The following PTPRR variants were observed in gnomAD, a reference collection of about 807,000 sequenced individuals.
PTPRR encodes the protein receptor-type tyrosine-protein phosphatase R.
A neutral mutation model predicts 77.2 loss-of-function variants in PTPRR; 38 were observed. The ratio of observed to expected loss-of-function variants is 0.49; its 90% CI spans 0.38 to 0.65. The LOEUF (loss-of-function observed/expected upper bound fraction) is 0.65, where lower values mean the gene tolerates loss of function less well. Ranked by LOEUF, PTPRR falls within the 30% of genes least tolerant of loss-of-function variation. The pLI, the probability that PTPRR is intolerant of heterozygous loss-of-function variation, is 0.00. For missense variants in PTPRR, 744 were observed against 799.2 expected (o/e 0.93, Z 0.83); for synonymous variants, 299 against 283.1 (o/e 1.06, Z -0.57).
chr12:70,669,907 G>T (rs566898467), intron 10 of PTPRR, among the ~76,000 whole-genome samples: 1 of 152,076 alleles, frequency 6.6e-6, no homozygotes, highest in East Asian at 1.9e-4. Flanking sequence ...CTCCCCCTTG[G>T]GCACCTACTC....
At chr12:70,804,139 C>CTGTGTGTGTG (rs58442488) in intron 2 of PTPRR, among the ~76,000 whole-genome samples, 14,492 of 137,150 alleles carry the variant, frequency 0.11, 917 homozygotes, top group East Asian at 0.15. Flanking sequence ...GTTCCTGGCT[C>CTGTGTGTGTG]TGTGTGTGTG....
intron 2 of PTPRR, among the ~76,000 whole-genome samples, chr12:70,867,856 A>G (rs1472113619): frequency 1.3e-5 from 2 of 152,196 alleles, no homozygotes; most frequent in Non-Finnish European, 2.9e-5. Flanking sequence ...TCAATGGAAC[A>G]GAACAGAGCC....
chr12:70,789,210 T>G (rs538769053), intron 2 of PTPRR, among the ~76,000 whole-genome samples: 4 of 152,022 alleles, frequency 2.6e-5, no homozygotes, highest in Admixed American at 2.6e-4. Flanking sequence ...TGTATACATA[T>G]GTAACAAACC....
At chr12:70,783,855 G>A (rs79358866) in intron 2 of PTPRR, among the ~76,000 whole-genome samples, 5 of 110,592 alleles carry the variant, frequency 4.5e-5, no homozygotes, top group South Asian at 3.4e-4. Flanking sequence ...AAGGCTGTGT[G>A]GGGGGGACGG....
rs1215371188 is a variant in PTPRR at position 70,661,010 on chromosome 12, G to A, written c.1696C>T (p.Gln566Ter). ...TCTTCTTCTACATCCAGCATGAGCT[G>A]TAGGAGGGGCTGGGCACTGTCTGGA... Reference protein sequence around the residue: ...KTPDSAQPLLQLMLDVEEDRL... With the variant: ...KTPDSAQPLL The change falls in exon 12 of 14, where the codon CAG (glutamine) becomes TAG (stop). Residue 566 changes from glutamine to a stop codon, truncating the protein, a stop_gained. Transcript: ENST00000283228. LOFTEE classifies it high-confidence loss of function. 1.9e-6 allele frequency: 3 copies of A among 1,613,622 alleles called. No homozygotes were observed. Among genetic ancestry groups the A allele is most frequent in the Non-Finnish European group, 2.5e-6 (3 of 1,179,878 alleles).
chr12:70,688,967 A>C (rs995714627), intron 8 of PTPRR, among the ~76,000 whole-genome samples: 3 of 152,134 alleles, frequency 2.0e-5, no homozygotes, highest in African/African-American at 7.2e-5. Flanking sequence ...TATGTGTGGA[A>C]TCTAAAAAAG....
At chr12:70,895,135 T>C (rs1893404671) in intron 1 of PTPRR, among the ~76,000 whole-genome samples, 1 of 151,724 alleles carries the variant, frequency 6.6e-6, no homozygotes, top group Non-Finnish European at 1.5e-5. Flanking sequence ...GACGTATATG[T>C]TGGTCACACA....
At chr12:70,753,728 T>C (rs1235764336) in intron 5 of PTPRR, among the ~76,000 whole-genome samples, 2 of 152,212 alleles carry the variant, frequency 1.3e-5, no homozygotes, top group Non-Finnish European at 2.9e-5. Flanking sequence ...CTCCTTTTCA[T>C]AGAATGCTTT....
intron 2 of PTPRR, among the ~76,000 whole-genome samples, chr12:70,774,686 A>T (rs1236732680): frequency 6.6e-6 from 1 of 152,224 alleles, no homozygotes; most frequent in Non-Finnish European, 1.5e-5. Flanking sequence ...TAGTGATGCT[A>T]AAATATAGTA....
Position 70,745,812 on chromosome 12 carries a change from T to G in PTPRR, c.1007+6A>C, listed in dbSNP as rs1890193540. The G allele has an allele frequency of 6.2e-7, 1 of 1,613,688 alleles. No individual in the cohort carries two copies. The highest frequency in any genetic ancestry group is 1.3e-5 in the African/African-American group (1 of 74,888). ...CACACGTAGGGTATACAGAACAAGC[T>G]CTTACCTCTCTTGAAGTCCTATGGG... On this transcript the variant is annotated splice_donor_region_variant and intron_variant, in intron 6 of 13. Transcript: ENST00000283228.
chr12:70,798,915 C>T (rs1033869432), intron 2 of PTPRR, among the ~76,000 whole-genome samples: 1 of 151,994 alleles, frequency 6.6e-6, no homozygotes, highest in African/African-American at 2.4e-5. Flanking sequence ...TATCCTAGTC[C>T]CTGGTACATA....
chr12:70,646,148 G>A (rs1419076253), intron 13 of PTPRR, among the ~76,000 whole-genome samples: 1 of 152,176 alleles, frequency 6.6e-6, no homozygotes, highest in African/African-American at 2.4e-5. Flanking sequence ...AACAAAAGGT[G>A]TGGACGTTAA....
intron 2 of PTPRR, among the ~76,000 whole-genome samples, chr12:70,874,584 GT>G (rs1407651982): frequency 5.3e-5 from 8 of 152,302 alleles, no homozygotes; most frequent in African/African-American, 1.9e-4. Context: ...AATGCAAATT[GT>G]CATTATCTTT....
chr12:70,684,571 A>G (rs1159081138), intron 9 of PTPRR, 133 bp downstream of exon 9: 2 of 717,060 alleles, frequency 2.8e-6, no homozygotes, highest in African/African-American at 3.6e-5. Context: ...TGACTAAGAT[A>G]AAAAACCAAA....
intron 2 of PTPRR, among the ~76,000 whole-genome samples, chr12:70,771,575 A>T (rs1158873393): frequency 6.6e-6 from 1 of 152,194 alleles, no homozygotes; most frequent in Non-Finnish European, 1.5e-5. Context: ...AAGATGGTAT[A>T]TTATATAATA....
At chr12:70,754,811 T>TA in intron 4 of PTPRR, 1 of 1,349,116 alleles carries the variant, frequency 7.4e-7, no homozygotes, top group Non-Finnish European at 9.8e-7. Flanking sequence ...TTTAATCACA[T>TA]CTTTTTTTTT....
chr12:70,825,192 C>T (rs1343320681), intron 2 of PTPRR, among the ~76,000 whole-genome samples: 6 of 152,036 alleles, frequency 3.9e-5, no homozygotes, highest in Non-Finnish European at 5.9e-5. Flanking sequence ...GCAAGAGAAT[C>T]GCTTGAACCC....
chr12:70,754,810 A>C, intron 4 of PTPRR: 2 of 1,384,114 alleles, frequency 1.4e-6, no homozygotes, highest in Non-Finnish European at 1.9e-6. Flanking sequence ...TTTTAATCAC[A>C]TCTTTTTTTT....
intron 1 of PTPRR, among the ~76,000 whole-genome samples, chr12:70,912,861 G>A (rs912863739): frequency 4.6e-5 from 7 of 151,758 alleles, no homozygotes; most frequent in East Asian, 1.9e-4. Context: ...TTTATTTTTC[G>A]AAACTACTAA....
Sources: gnomAD v4.1 joint callset for allele counts (sites outside exome capture counted in the v4.1 genomes callset) on GRCh38, gnomAD v4.1.1 for gene constraint, MANE v1.5 for transcripts, NCBI Gene and HGNC (gene_info 2026-07-23, HGNC 2026-07-21) for gene names.